MPP7: variants seen among roughly 807,000 people sequenced by gnomAD.
MPP7 encodes the protein MAGUK p55 subfamily member 7.
MPP7 carries 60 observed loss-of-function variants against 76.5 expected under a neutral mutation model. The ratio of observed to expected loss-of-function variants is 0.78; its 90% CI spans 0.64 to 0.97. MPP7 has a LOEUF of 0.97. Ranked by LOEUF, MPP7 falls within the 50% of genes least tolerant of loss-of-function variation. The pLI is 0.00. For missense variants in MPP7, 641 were observed against 694.0 expected (o/e 0.92, Z 0.86); for synonymous variants, 237 against 244.5 (o/e 0.97, Z 0.29).
intron 3 of MPP7, among the ~76,000 whole-genome samples, chr10:28,163,237 C>T (rs1332468742): frequency 4.6e-5 from 7 of 152,154 alleles, no homozygotes; most frequent in Non-Finnish European, 7.4e-5. Flanking sequence ...CCTTGCACTT[C>T]ACAGTGTCTT....
At chr10:28,126,418 G>A (rs917164776) in intron 6 of MPP7, among the ~76,000 whole-genome samples, 7 of 152,028 alleles carry the variant, frequency 4.6e-5, no homozygotes, top group African/African-American at 1.7e-4. Context: ...TATGCCCAAC[G>A]GCAGAAAAGC....
chr10:28,234,058 G>T (rs1177093418), intron 2 of MPP7, among the ~76,000 whole-genome samples: 1 of 152,146 alleles, frequency 6.6e-6, no homozygotes, highest in African/African-American at 2.4e-5. Context: ...CTATTGCCCA[G>T]ATCTTGATTT....
chr10:28,140,781 C>T (rs993946033), intron 5 of MPP7, among the ~76,000 whole-genome samples: 8 of 152,062 alleles, frequency 5.3e-5, no homozygotes, highest in African/African-American at 1.7e-4. Context: ...TGGATTAAAT[C>T]AATAACTACA....
chr10:28,175,467 AG>A (rs1192496306), intron 3 of MPP7, among the ~76,000 whole-genome samples: 5 of 152,160 alleles, frequency 3.3e-5, no homozygotes, highest in African/African-American at 1.2e-4. Context: ...ATGAAATAAA[AG>A]TATGTGAACA....
rs768969330 is a variant in MPP7, at chr10:28,069,761, G to A, written c.1204+11C>T. 1.7e-5 allele frequency: 28 copies of A among 1,608,302 alleles called. No individual in the cohort carries two copies. The highest frequency in any genetic ancestry group is 1.6e-4 in the East Asian group (7 of 44,854). On this transcript the variant is annotated intron_variant, in intron 13 of 16. Coordinates refer to ENST00000683449, the MANE Select transcript of MPP7 (RefSeq NM_001318170.2). ...TGTAGTCATAGGAACACTGAGTAGC[G>A]CAGAACTCACGGGGCACTGTCACGC...
intron 11 of MPP7, among the ~76,000 whole-genome samples, chr10:28,107,301 G>C (rs1056585682): frequency 6.6e-6 from 1 of 152,118 alleles, no homozygotes; most frequent in African/African-American, 2.4e-5. Context: ...TTCAGGCTAC[G>C]ATGATCACCA....
intron 12 of MPP7, among the ~76,000 whole-genome samples, chr10:28,085,319 T>C (rs1355702084): frequency 6.6e-6 from 1 of 152,186 alleles, no homozygotes; most frequent in East Asian, 1.9e-4. Context: ...GTATTTACCA[T>C]GTAGTCATGA....
rs115060441 is a variant in MPP7, at chr10:28,291,740, G to A, written c.-132+11121C>T. Among the ~76,000 whole-genome samples the A allele has an allele frequency of 7.7e-3, 1,168 of 152,206 alleles. 15 individuals are homozygous for A. Among genetic ancestry groups the A allele is most frequent in the African/African-American group, 0.027 (1,106 of 41,516 alleles). ...TTTTTTAATAAAAGAAAATATATTT[G>A]TACACTATAAAATGTGCTTGTGTTT... On this transcript the variant is annotated intron_variant, in intron 1 of 16. Coordinates refer to ENST00000683449, the MANE Select transcript of MPP7 (RefSeq NM_001318170.2).
At chr10:28,191,049 C>T (rs530166003) in intron 3 of MPP7, among the ~76,000 whole-genome samples, 2 of 152,166 alleles carry the variant, frequency 1.3e-5, no homozygotes, top group East Asian at 3.9e-4. Context: ...TACACCATTC[C>T]TTGAAAGACA....
intron 2 of MPP7, among the ~76,000 whole-genome samples, chr10:28,210,599 G>C (rs543856316): frequency 1.3e-5 from 2 of 152,208 alleles, no homozygotes; most frequent in South Asian, 2.1e-4. Context: ...AAAATTTTAG[G>C]GGCTAAGAAA....
At chr10:28,241,024 T>C (rs1839250433) in intron 1 of MPP7, among the ~76,000 whole-genome samples, 2 of 152,092 alleles carry the variant, frequency 1.3e-5, no homozygotes, top group African/African-American at 2.4e-5. Flanking sequence ...ATGGTATAGA[T>C]TGCACATATG....
intron 1 of MPP7, among the ~76,000 whole-genome samples, chr10:28,286,795 G>A (rs536845449): frequency 5.3e-5 from 8 of 151,982 alleles, no homozygotes; most frequent in East Asian, 3.9e-4. Context: ...TGACCACTGC[G>A]AACTCACAGT....
At chr10:28,272,880 A>T (rs1207687056) in intron 1 of MPP7, among the ~76,000 whole-genome samples, 2 of 151,920 alleles carry the variant, frequency 1.3e-5, no homozygotes, top group Non-Finnish European at 2.9e-5. Flanking sequence ...ATTTTATTAT[A>T]GACCAAGTAA....
chr10:28,233,019 G>A (rs1372410768), intron 2 of MPP7, among the ~76,000 whole-genome samples: 2 of 152,128 alleles, frequency 1.3e-5, no homozygotes, highest in Admixed American at 1.3e-4. Flanking sequence ...TATTATGCAG[G>A]AAAGGAATGA....
intron 2 of MPP7, among the ~76,000 whole-genome samples, chr10:28,231,604 T>C (rs1171414489): frequency 6.8e-6 from 1 of 147,000 alleles, no homozygotes; most frequent in African/African-American, 2.5e-5. Flanking sequence ...ATAATACAAA[T>C]AATTCTTTCC....
intron 2 of MPP7, among the ~76,000 whole-genome samples, chr10:28,328,540 T>C (rs989646389): frequency 2.0e-5 from 3 of 151,732 alleles, no homozygotes; most frequent in African/African-American, 4.8e-5. Flanking sequence ...AGTGCTTCTG[T>C]CTTGAGACTT....
intron 12 of MPP7, among the ~76,000 whole-genome samples, chr10:28,082,043 T>C (rs1376509280): frequency 1.3e-5 from 2 of 152,200 alleles, no homozygotes; most frequent in Non-Finnish European, 2.9e-5. Flanking sequence ...CATGAGCCAC[T>C]GCACCCAGCC....
chr10:28,099,542 C>T (rs879680114), intron 11 of MPP7, among the ~76,000 whole-genome samples: 46 of 152,144 alleles, frequency 3.0e-4, no homozygotes, highest in African/African-American at 9.7e-5. Flanking sequence ...TGGTGGCTCA[C>T]GCCTGTAATC....
At chr10:28,262,793 C>T (rs1462365326) in intron 1 of MPP7, among the ~76,000 whole-genome samples, 5 of 152,110 alleles carry the variant, frequency 3.3e-5, no homozygotes, top group African/African-American at 4.8e-5. Context: ...CAGTGGCTCA[C>T]GCCTGTAATC....
Sources: gnomAD v4.1 joint callset for allele counts (sites outside exome capture counted in the v4.1 genomes callset) on GRCh38, gnomAD v4.1.1 for gene constraint, MANE v1.5 for transcripts, NCBI Gene and HGNC (gene_info 2026-07-23, HGNC 2026-07-21) for gene names.